The following METTL15 variants were observed in gnomAD, a reference collection of about 807,000 sequenced individuals.
The protein encoded by METTL15 is methyltransferase 15, mitochondrial 12S rRNA N4-cytidine.
METTL15 carries 34 observed loss-of-function variants against 38.3 expected under a neutral mutation model. That is an observed-to-expected ratio of 0.89 (90% CI 0.68 to 1.18). METTL15 has a LOEUF of 1.18. METTL15 is among the 50% of genes most tolerant of loss of function. The pLI is 0.00. For synonymous variants in METTL15, 162 were observed against 170.9 expected (o/e 0.95, Z 0.41); for missense variants, 438 against 498.4 (o/e 0.88, Z 1.15).
intron 3 of METTL15, among the ~76,000 whole-genome samples, chr11:28,152,376 C>G (rs1428349348): frequency 6.6e-6 from 1 of 151,584 alleles, no homozygotes; most frequent in Non-Finnish European, 1.5e-5. Flanking sequence ...AGGAAGTAGG[C>G]TTTAGGATAT....
chr11:28,402,756 C>T (rs776659583), intron 5 of METTL15, among the ~76,000 whole-genome samples: 12 of 151,816 alleles, frequency 7.9e-5, no homozygotes, highest in Non-Finnish European at 1.6e-4. Context: ...TTAGTGATGA[C>T]GTCTGGGCTT....
chr11:28,428,345 T>C (rs929100976), intron 6 of METTL15, among the ~76,000 whole-genome samples: 1 of 152,226 alleles, frequency 6.6e-6, no homozygotes, highest in African/African-American at 2.4e-5. Context: ...GATATTATGG[T>C]CTTTTGGGAC....
intron 5 of METTL15, among the ~76,000 whole-genome samples, chr11:28,402,183 T>G (rs1850636413): frequency 6.6e-6 from 1 of 151,966 alleles, no homozygotes; most frequent in African/African-American, 2.4e-5. Flanking sequence ...AACTGGAATG[T>G]CATTCTGCCT....
chr11:28,290,042 GTA>G (rs1384864902), intron 4 of METTL15, among the ~76,000 whole-genome samples, 162 bp from the exon 5 acceptor site: 1 of 152,118 alleles, frequency 6.6e-6, no homozygotes, highest in Non-Finnish European at 1.5e-5. Flanking sequence ...AACCCAAGAT[GTA>G]TAGTTTCCAT....
intron 3 of METTL15, among the ~76,000 whole-genome samples, chr11:28,116,132 T>C (rs1025164330): frequency 6.6e-6 from 1 of 151,946 alleles, no homozygotes; most frequent in Non-Finnish European, 1.5e-5. Flanking sequence ...TTAAATAAGG[T>C]CTTAGATTAT....
chr11:28,488,418 T>C (rs1220573703), intron 6 of METTL15, among the ~76,000 whole-genome samples: 1 of 152,206 alleles, frequency 6.6e-6, no homozygotes, highest in African/African-American at 2.4e-5. Flanking sequence ...ATAAGAGTGT[T>C]GTGCTGTTTC....
At chr11:28,212,376 A>T (rs910020649) in intron 4 of METTL15, among the ~76,000 whole-genome samples, 7 of 152,126 alleles carry the variant, frequency 4.6e-5, no homozygotes, top group South Asian at 2.1e-4. Context: ...TCTGCAGTGT[A>T]ACTTAGATGC....
chr11:28,136,730 A>G (rs953156699), intron 3 of METTL15, among the ~76,000 whole-genome samples: 2 of 152,106 alleles, frequency 1.3e-5, no homozygotes, highest in African/African-American at 4.8e-5. Context: ...TCTCTCTTGG[A>G]TGCTCTAGGG....
At chr11:28,452,236 T>G (rs1178768714) in intron 6 of METTL15, among the ~76,000 whole-genome samples, 2 of 152,214 alleles carry the variant, frequency 1.3e-5, no homozygotes, top group African/African-American at 4.8e-5. Flanking sequence ...GCACCTGTCT[T>G]CAGCCTGAAA....
chr11:28,157,472 G>A (rs866623848), intron 3 of METTL15, among the ~76,000 whole-genome samples: 4 of 152,130 alleles, frequency 2.6e-5, no homozygotes, highest in Admixed American at 6.6e-5. Context: ...AGAGGATGCC[G>A]CTAGGATTTT....
intron 3 of METTL15, among the ~76,000 whole-genome samples, chr11:28,130,066 T>C (rs1409111322): frequency 6.6e-6 from 1 of 152,060 alleles, no homozygotes; most frequent in Non-Finnish European, 1.5e-5. Context: ...TCCCAGCCCT[T>C]TGAGAGGCTG....
chr11:28,409,099 C>T (rs534562493), intron 5 of METTL15, among the ~76,000 whole-genome samples: 3 of 152,018 alleles, frequency 2.0e-5, no homozygotes, highest in East Asian at 1.9e-4. Context: ...ATATTTAAAT[C>T]GGGCTGGGCG....
chr11:28,224,666 A>G lies in METTL15; in HGVS notation c.407+13468A>G, dbSNP rs1379910482. 6.6e-5 allele frequency among the ~76,000 whole-genome samples: 10 copies of G among 151,796 alleles called. 1 individual carries two copies. The highest frequency in any genetic ancestry group is 1.5e-4 in the Non-Finnish European group (10 of 67,754). Reference sequence around the variant, plus strand: ...ATTTTATTGGTTGTAGGGTATTTTTATCGTATAATTATAACAATTTATTAG... The same window carrying G: ...ATTTTATTGGTTGTAGGGTATTTTTGTCGTATAATTATAACAATTTATTAG... On this transcript the variant is annotated intron_variant, in intron 4 of 6. Transcript: ENST00000407364.
chr11:28,402,897 T>A (rs1850641941), intron 5 of METTL15, among the ~76,000 whole-genome samples: 1 of 151,972 alleles, frequency 6.6e-6, no homozygotes, highest in Admixed American at 6.6e-5. Context: ...TTTATGTACA[T>A]ATTTTTTAGC....
At chr11:28,163,063 G>T (rs1850526967) in intron 3 of METTL15, among the ~76,000 whole-genome samples, 1 of 152,004 alleles carries the variant, frequency 6.6e-6, no homozygotes, top group Non-Finnish European at 1.5e-5. Context: ...TTTGTTTGGG[G>T]CAATAGAATT....
intron 5 of METTL15, among the ~76,000 whole-genome samples, chr11:28,376,185 G>T (rs548510216): frequency 6.6e-6 from 1 of 151,794 alleles, no homozygotes; most frequent in East Asian, 1.9e-4. Context: ...TATTAGGTCC[G>T]CTTGGTGCAG....
chr11:28,296,764 T>C lies in METTL15; in HGVS notation c.611T>C (p.Met204Thr). 6.2e-7 allele frequency: 1 copy of C among 1,613,238 alleles called. No individual in the cohort carries two copies. ...CTTCTTGTGCGTAGGTACCCTGACA[T>C]GCCCACTGCTGCTGATGTTGTGAAT... ...MRMDGGRYPD[M>T]PTAADVVNAL... is the part of the protein sequence containing the mutation. The change falls in exon 6 of 7, where the codon ATG (methionine) becomes ACG (threonine). Residue 204 changes from methionine (M) to threonine (T), a missense_variant. By Grantham distance (81) the Met-to-Thr change is moderately conservative. Transcript: ENST00000407364.
chr11:28,420,709 G>T (rs7122934), intron 5 of METTL15, among the ~76,000 whole-genome samples: 1 of 152,088 alleles, frequency 6.6e-6, no homozygotes, highest in Non-Finnish European at 1.5e-5. Flanking sequence ...CTATGGGATA[G>T]AGCAAAAGCA....
chr11:28,234,153 C>T (rs1034904690), intron 4 of METTL15, among the ~76,000 whole-genome samples: 6 of 152,152 alleles, frequency 3.9e-5, no homozygotes, highest in East Asian at 3.9e-4. Context: ...TTAATGGCAG[C>T]GTAGTATTCC....
Sources: allele counts gnomAD v4.1 joint callset (sites outside exome capture counted in the v4.1 genomes callset), GRCh38; gene constraint gnomAD v4.1.1; transcripts MANE v1.5; gene names NCBI Gene and HGNC (gene_info 2026-07-23, HGNC 2026-07-21).